Variants in NDUFA5 observed in about 807,000 individuals in gnomAD.
NDUFA5 encodes the protein NADH dehydrogenase [ubiquinone] 1 alpha subcomplex subunit 5.
NDUFA5 carries 11 observed loss-of-function variants against 19.8 expected under a neutral mutation model. The observed-to-expected ratio is 0.56, with a 90% CI of 0.35 to 0.92. The LOEUF (loss-of-function observed/expected upper bound fraction) is 0.92. NDUFA5 is among the 40% of genes least tolerant of loss of function. The probability of loss-of-function intolerance (pLI) is 0.01; values close to 1 mark genes in which losing one functional copy is unlikely to be tolerated. For synonymous variants in NDUFA5, 47 were observed against 46.8 expected, an observed-to-expected ratio of 1.00 and a Z score of -0.01; for missense variants, 109 against 134.2, an observed-to-expected ratio of 0.81 and a Z score of 0.93.
the NDUFA5 span, among the ~76,000 whole-genome samples, chr7:123,599,747 GT>G: frequency 2.6e-5 from 4 of 152,158 alleles, no homozygotes; most frequent in African/African-American, 9.7e-5. Context: ...TTTTGAAACA[GT>G]ACATGCATTT....
chr7:123,594,077 T>C, the NDUFA5 span, among the ~76,000 whole-genome samples: 65 of 152,240 alleles, frequency 4.3e-4, no homozygotes, highest in African/African-American at 1.5e-3. Flanking sequence ...AATCAGCTAC[T>C]GAAGCTTGTG....
At chr7:123,550,359 C>T in intron 3 of NDUFA5, 111 bp downstream of exon 3, 1 of 691,964 alleles carries the variant, frequency 1.4e-6, no homozygotes, top group Non-Finnish European at 2.6e-6. Context: ...GGGAAAAGAG[C>T]ATTCAAGGAA....
the NDUFA5 span, among the ~76,000 whole-genome samples, chr7:123,588,804 T>C: frequency 6.6e-6 from 1 of 151,774 alleles, no homozygotes; most frequent in Non-Finnish European, 1.5e-5. Context: ...TTTTTAAATT[T>C]CCCTTTTGAT....
At chr7:123,544,814 T>A (rs1798071947) in intron 4 of NDUFA5, among the ~76,000 whole-genome samples, 1 of 140,580 alleles carries the variant, frequency 7.1e-6, no homozygotes, top group African/African-American at 2.7e-5. Flanking sequence ...TTCCCATAGA[T>A]GCTTTAAAAA....
At chr7:123,559,794 T>C (rs919134001), upstream of NDUFA5, among the ~76,000 whole-genome samples, 1 of 148,574 alleles carries the variant, frequency 6.7e-6, no homozygotes, top group African/African-American at 2.5e-5. Flanking sequence ...AGGCAGAGGT[T>C]GCAGTGAGCC....
At chr7:123,589,764 G>A in the NDUFA5 span, among the ~76,000 whole-genome samples, 1 of 152,018 alleles carries the variant, frequency 6.6e-6, no homozygotes, top group Middle Eastern at 3.2e-3. Context: ...ATTGTGAAGA[G>A]GGCCACAATA....
chr7:123,594,842 C>T, the NDUFA5 span, among the ~76,000 whole-genome samples: 2 of 152,202 alleles, frequency 1.3e-5, no homozygotes, highest in Non-Finnish European at 2.9e-5. Context: ...GACGTTTAAG[C>T]CTGCAGAAGC....
the NDUFA5 span, among the ~76,000 whole-genome samples, chr7:123,571,693 T>C: frequency 6.6e-6 from 1 of 152,202 alleles, no homozygotes; most frequent in East Asian, 1.9e-4. Flanking sequence ...GTAAAAGAGA[T>C]GTTGTTTCAC....
At chr7:123,584,461 G>A in the NDUFA5 span, among the ~76,000 whole-genome samples, 2,764 of 151,952 alleles carry the variant, frequency 0.018, 38 homozygotes, top group South Asian at 0.037. Flanking sequence ...AAGAACAACT[G>A]CTCTATGGAA....
At chr7:123,576,311 A>G in the NDUFA5 span, among the ~76,000 whole-genome samples, 19 of 147,260 alleles carry the variant, frequency 1.3e-4, no homozygotes, top group African/African-American at 4.8e-4. Flanking sequence ...TGTACTTTTT[A>G]CTCTTTTTTA....
intron 2 of NDUFA5, chr7:123,557,180 G>C: frequency 1.4e-6 from 1 of 715,628 alleles, no homozygotes; most frequent in Middle Eastern, 2.3e-4. Context: ...CAAGGAAAAA[G>C]TCAACAAGAA....
At chr7:123,573,991 C>G in the NDUFA5 span, among the ~76,000 whole-genome samples, 6 of 152,016 alleles carry the variant, frequency 3.9e-5, no homozygotes, top group Non-Finnish European at 4.4e-5. Context: ...TTTATAAATA[C>G]CTAGTAATAT....
chr7:123,563,361 G>A, the NDUFA5 span, among the ~76,000 whole-genome samples: 10 of 152,128 alleles, frequency 6.6e-5, no homozygotes, highest in Non-Finnish European at 1.3e-4. Context: ...CAACATTGTT[G>A]TATCTCAGGG....
intron 3 of NDUFA5, 52 bp from the exon 4 acceptor site, chr7:123,545,728 C>T (rs780394630): frequency 8.2e-7 from 1 of 1,220,978 alleles, no homozygotes; most frequent in Admixed American, 1.9e-5. Context: ...CTGAATGTTT[C>T]AATATCCTAT....
chr7:123,594,059 C>T, the NDUFA5 span, among the ~76,000 whole-genome samples: 1 of 151,926 alleles, frequency 6.6e-6, no homozygotes, highest in African/African-American at 2.4e-5. Context: ...CCTTCTTCTG[C>T]TTGATCAAAT....
chr7:123,576,798 C>A, the NDUFA5 span, among the ~76,000 whole-genome samples: 1 of 152,192 alleles, frequency 6.6e-6, no homozygotes, highest in African/African-American at 2.4e-5. Context: ...TCTGCTGCCA[C>A]TAGGTTTTCT....
the NDUFA5 span, among the ~76,000 whole-genome samples, chr7:123,589,168 T>C: frequency 6.6e-6 from 1 of 151,834 alleles, no homozygotes; most frequent in South Asian, 2.1e-4. Context: ...TTATTGTCTA[T>C]TTCTCCCTTC....
At chr7:123,545,535 G>A (rs886341251) in intron 4 of NDUFA5, 76 bp downstream of exon 4, 2 of 1,175,928 alleles carry the variant, frequency 1.7e-6, no homozygotes, top group Admixed American at 3.9e-5. Flanking sequence ...AGGAAATTTA[G>A]TTTTCCTTTC....
At chr7:123,553,626 A>C (rs1043910539) in intron 2 of NDUFA5, among the ~76,000 whole-genome samples, 3 of 152,194 alleles carry the variant, frequency 2.0e-5, no homozygotes, top group Non-Finnish European at 2.9e-5. Flanking sequence ...TACATAGAGC[A>C]AAGAGATATT....
Sources: gnomAD v4.1 joint callset for allele counts (sites outside exome capture counted in the v4.1 genomes callset) on GRCh38, gnomAD v4.1.1 for gene constraint, MANE v1.5 for transcripts, NCBI Gene and HGNC (gene_info 2026-07-23, HGNC 2026-07-21) for gene names.